GPR26: variants seen among roughly 807,000 people sequenced by gnomAD.
GPR26 encodes G protein-coupled receptor 26.
In GPR26, 15 loss-of-function variants were observed where a neutral mutation model predicts 23.1. The observed-to-expected ratio is 0.65, with a 90% CI of 0.43 to 1.00. GPR26 has a LOEUF of 1.00. Ranked by LOEUF, GPR26 falls within the 50% of genes least tolerant of loss-of-function variation. GPR26 has a pLI of 0.00. For missense variants in GPR26, 359 were observed against 470.5 expected, an observed-to-expected ratio of 0.76 and a Z score of 2.19; for synonymous variants, 228 against 222.1, an observed-to-expected ratio of 1.03 and a Z score of -0.24.
rs71026066 is a variant in GPR26 at position 123,667,561 on chromosome 10, C to CTGTGTGTGTGTGTG, written c.668+513_668+526dup. 6.8e-4 allele frequency among the ~76,000 whole-genome samples: 85 copies of CTGTGTGTGTGTGTG among 125,080 alleles called. No homozygotes were observed. In the East Asian group the frequency reaches 8.7e-3, roughly 13 times the overall value. The allele number at this position is 125,080 out of a possible 152,430, so 82.1% of individuals were successfully genotyped here. A position where few individuals can be genotyped will look rare whatever the true frequency, so the allele number is the denominator to read the frequency against. ...GTGTGGCGCTGCCTCTGTCTCACGACTGTGTGTGTGTGTGTGTGTGTGTGT... is the reference window on the plus strand; with the variant it reads ...GTGTGGCGCTGCCTCTGTCTCACGACTGTGTGTGTGTGTGTGTGTGTGTGTGTGTGTGTGTGTGT... On this transcript the variant is annotated intron_variant, in intron 1 of 2. Coordinates refer to ENST00000284674, the MANE Select transcript of GPR26 (RefSeq NM_153442.4).
intron 1 of GPR26, among the ~76,000 whole-genome samples, chr10:123,668,553 G>C (rs1418975023): frequency 3.9e-5 from 6 of 152,234 alleles, no homozygotes; most frequent in Non-Finnish European, 5.9e-5. Context: ...TGACACGAGT[G>C]CATTCTGCCA....
chr10:123,681,112 G>A (rs1027535333), intron 2 of GPR26, among the ~76,000 whole-genome samples: 1 of 152,008 alleles, frequency 6.6e-6, no homozygotes, highest in Non-Finnish European at 1.5e-5. Context: ...GTACTGGGAT[G>A]ACAGGCATGA....
In GPR26 at chr10:123,688,320, G is replaced by T. The variant is rs1845453475; in HGVS notation, c.*160G>T. 1 of 615,782 alleles carries T rather than the reference G, an allele frequency of 1.6e-6. No individual in the cohort carries two copies. Among genetic ancestry groups the T allele is most frequent in the Admixed American group, 2.7e-5 (1 of 36,522 alleles). 38.1% of individuals were successfully genotyped at this position (615,782 alleles called of 1,614,324 possible). A position where few individuals can be genotyped will look rare whatever the true frequency, so the allele number is the denominator to read the frequency against. On this transcript the variant is annotated 3_prime_UTR_variant, in exon 3 of 3. Transcript: ENST00000284674. ...TAGGGGCTCCAGAGCCTGCTTCCTG[G>T]TTCCTCAAGGGCAGATATTGGACAC...
intron 2 of GPR26, among the ~76,000 whole-genome samples, chr10:123,679,319 C>G (rs1845343141): frequency 6.6e-6 from 1 of 152,120 alleles, no homozygotes; most frequent in Non-Finnish European, 1.5e-5. Flanking sequence ...GAAAGCAATG[C>G]TGAAGCCAGG....
At chr10:123,676,971 G>C (rs1164031700) in intron 2 of GPR26, among the ~76,000 whole-genome samples, 1 of 152,196 alleles carries the variant, frequency 6.6e-6, no homozygotes, top group Non-Finnish European at 1.5e-5. Flanking sequence ...GCCCCGGACT[G>C]GCTGCTGCAC....
Position 123,680,142 on chromosome 10 carries a change from G to A in GPR26, c.782+5211G>A, listed in dbSNP as rs77156480. ...TCAGCTGCAGCCCCAGCACTAAAGA[G>A]GCAACACAGAAGATGTGGCAGGTGT... is the stretch of plus-strand genomic sequence containing the variant. On this transcript the variant is annotated intron_variant, in intron 2 of 2. Coordinates refer to ENST00000284674, the MANE Select transcript of GPR26 (RefSeq NM_153442.4). Among the ~76,000 whole-genome samples the A allele has an allele frequency of 1.1e-4, 16 of 152,358 alleles. No individual in the cohort carries two copies. The East Asian group carries it at 3.1e-3, about 29-fold the overall frequency.
At position 123,694,895 on chromosome 10, in the gene GPR26, A is replaced by G. The variant is rs1272196429; in HGVS notation, c.*6735A>G. On this transcript the variant is annotated 3_prime_UTR_variant, in exon 3 of 3. Coordinates refer to ENST00000284674, the MANE Select transcript of GPR26 (RefSeq NM_153442.4). ...TCTTAAGAAACCAACCACACCAGCCAGGGCCCATCTTCTGACAATATCCTG... is the reference window on the plus strand; with the variant it reads ...TCTTAAGAAACCAACCACACCAGCCGGGGCCCATCTTCTGACAATATCCTG... 6.6e-6 allele frequency among the ~76,000 whole-genome samples: 1 copy of G among 152,130 alleles called. No individual in the cohort carries two copies.
chr10:123,680,596 G>T (rs879689656), intron 2 of GPR26, among the ~76,000 whole-genome samples: 1 of 152,170 alleles, frequency 6.6e-6, no homozygotes. Flanking sequence ...CCTCCTCACT[G>T]TCCATAGAAA....
chr10:123,679,512 T>C (rs1311585650), intron 2 of GPR26, among the ~76,000 whole-genome samples: 1 of 152,212 alleles, frequency 6.6e-6, no homozygotes, highest in Non-Finnish European at 1.5e-5. Context: ...TGGGCATGGA[T>C]GGCTTTAAGG....
intron 2 of GPR26, among the ~76,000 whole-genome samples, chr10:123,680,884 G>T (rs983103634): frequency 6.8e-6 from 1 of 146,212 alleles, no homozygotes; most frequent in Admixed American, 7.0e-5. Flanking sequence ...TTGTTGCCCA[G>T]GCTGGAGTGC....
rs78480837 is a variant in GPR26 at position 123,684,126 on chromosome 10, A to G, written c.783-3803A>G. 6.9e-3 allele frequency among the ~76,000 whole-genome samples: 1,051 copies of G among 152,314 alleles called. 10 individuals are homozygous for G. The highest frequency in any genetic ancestry group is 0.023 in the African/African-American group (970 of 41,560). On this transcript the variant is annotated intron_variant, in intron 2 of 2. Coordinates refer to ENST00000284674, the MANE Select transcript of GPR26 (RefSeq NM_153442.4). ...GCAGGCATGTGAGCCTTTTGAGCAC[A>G]TAAGCATGAACGTTTCCCCCGAATG...
chr10:123,672,291 C>T (rs1039533269), intron 1 of GPR26, among the ~76,000 whole-genome samples: 2 of 152,148 alleles, frequency 1.3e-5, no homozygotes, highest in African/African-American at 4.8e-5. Context: ...ATCTGGGGTG[C>T]GTGGATGAGC....
intron 2 of GPR26, among the ~76,000 whole-genome samples, chr10:123,684,054 G>T (rs976008780): frequency 2.3e-4 from 35 of 152,160 alleles, no homozygotes; most frequent in Admixed American, 1.9e-3. Context: ...GCTGACCGAG[G>T]GTGTGGACCT....
At position 123,697,252 on chromosome 10, in the gene GPR26, G is replaced by A. The variant is rs1010185394; in HGVS notation, c.*9092G>A. The stretch of plus-strand genomic sequence containing the variant: ...TGGGACTCAAGAATTTTGAATCCAA[G>A]GCCAATGCTGCCTGCTCTGTTTACA... On this transcript the variant is annotated 3_prime_UTR_variant, in exon 3 of 3. Transcript: ENST00000284674. 6.6e-6 allele frequency among the ~76,000 whole-genome samples: 1 copy of A among 152,160 alleles called. No homozygotes were observed. Among genetic ancestry groups the A allele is most frequent in the Non-Finnish European group, 1.5e-5 (1 of 68,040 alleles).
chr10:123,687,281 A>C (rs1411899963), intron 2 of GPR26, among the ~76,000 whole-genome samples: 1 of 152,166 alleles, frequency 6.6e-6, no homozygotes, highest in African/African-American at 2.4e-5. Flanking sequence ...GCTTTGCAAA[A>C]TGTTTTCAAA....
chr10:123,667,113 G>A (rs1286304267), intron 1 of GPR26, 38 bp downstream of exon 1: 12 of 1,442,556 alleles, frequency 8.3e-6, no homozygotes, highest in Non-Finnish European at 1.1e-5. Flanking sequence ...GAACAGCCGC[G>A]CGGGATCTCG....
rs1281842499 is a variant in GPR26 at position 123,696,337 on chromosome 10, T to G, written c.*8177T>G. On this transcript the variant is annotated 3_prime_UTR_variant, in exon 3 of 3. Coordinates refer to ENST00000284674, the MANE Select transcript of GPR26 (RefSeq NM_153442.4). Reference sequence around the variant, plus strand: ...TATCCTCAGTCCTCCTGGAGGCTCCTAGTAATGAGGGCACTGAACACCAAT... The same window carrying G: ...TATCCTCAGTCCTCCTGGAGGCTCCGAGTAATGAGGGCACTGAACACCAAT... Among the ~76,000 whole-genome samples, 1 of 152,196 alleles carries G rather than the reference T, an allele frequency of 6.6e-6. No homozygotes were observed. The highest frequency in any genetic ancestry group is 1.5e-5 in the Non-Finnish European group (1 of 68,040).
At position 123,674,977 on chromosome 10, in the gene GPR26, C is replaced by A. The variant is rs190542707; in HGVS notation, c.782+46C>A. On this transcript the variant is annotated intron_variant, in intron 2 of 2. Transcript: ENST00000284674. The surrounding 1 kb of genome is among the most constrained non-coding windows in gnomAD (Gnocchi z 4.1). The stretch of plus-strand genomic sequence containing the variant: ...TGTCTTGGGACTTTGAAGAGTAAGG[C>A]AGGGCCCAGTGACCTTTAGCAGTGG... The A allele has an allele frequency of 1.7e-6, 2 of 1,209,006 alleles. No individual in the cohort carries two copies. The highest frequency in any genetic ancestry group is 2.5e-5 in the South Asian group (2 of 79,698). The allele number at this position is 1,209,006 out of a possible 1,614,324, so 74.9% of individuals were successfully genotyped here.
In GPR26 at chr10:123,695,860, T is replaced by C. The variant is rs1464975914; in HGVS notation, c.*7700T>C. Among the ~76,000 whole-genome samples the C allele has an allele frequency of 2.0e-5, 3 of 152,190 alleles. No individual in the cohort carries two copies. Among genetic ancestry groups the C allele is most frequent in the Non-Finnish European group, 2.9e-5 (2 of 68,032 alleles). On this transcript the variant is annotated 3_prime_UTR_variant, in exon 3 of 3. Transcript: ENST00000284674. ...TTACAACAAACATGTAAATACAACC[T>C]CTTTTGGAGTGCAGAAACATTTGCG...
Sources: allele counts gnomAD v4.1 joint callset (sites outside exome capture counted in the v4.1 genomes callset), GRCh38; gene constraint gnomAD v4.1.1; non-coding constraint Gnocchi (gnomAD v3.1); transcripts MANE v1.5; gene names NCBI Gene and HGNC (gene_info 2026-07-23, HGNC 2026-07-21).